The following PTPRD variants were observed in gnomAD, a reference collection of about 807,000 sequenced individuals.
The protein encoded by PTPRD is protein tyrosine phosphatase receptor type D.
Under a neutral mutation model 214.5 loss-of-function variants are expected in PTPRD, and 34 were observed. The observed-to-expected ratio is 0.16, with a 90% CI of 0.12 to 0.21. The LOEUF is 0.21. Ranked by LOEUF, PTPRD falls within the 10% of genes least tolerant of loss-of-function variation. The pLI is 1.00. For synonymous variants in PTPRD, 1,128 were observed against 845.7 expected (o/e 1.33, Z -5.79); for missense variants, 2,545 against 2,398.7 (o/e 1.06, Z -1.27).
In PTPRD at chr9:8,825,813, G is replaced by A. The variant is rs1208111473; in HGVS notation, c.-103-91867C>T. Among the ~76,000 whole-genome samples the A allele has an allele frequency of 2.9e-4, 4 of 13,846 alleles. No homozygotes were observed. The African/African-American group carries it at 3.4e-3, about 12-fold the overall frequency. 9.1% of individuals were successfully genotyped at this position (13,846 alleles called of 152,430 possible). The stretch of plus-strand genomic sequence containing the variant: ...TTCTAGACCATATAGAGTAACTTCC[G>A]ACATTCCCATGGCATTTGCAAACTG... On this transcript the variant is annotated intron_variant, in intron 11 of 45. Transcript: ENST00000381196.
chr9:8,494,052 A>C (rs2136380212), intron 26 of PTPRD, among the ~76,000 whole-genome samples: 1 of 151,780 alleles, frequency 6.6e-6, no homozygotes, highest in Admixed American at 6.6e-5. Context: ...CAATATAAAA[A>C]CCCTTTCAGA....
intron 4 of PTPRD, among the ~76,000 whole-genome samples, chr9:9,976,908 C>T (rs905603372): frequency 6.6e-6 from 1 of 151,662 alleles, no homozygotes; most frequent in Non-Finnish European, 1.5e-5. Context: ...TTTGATTTGG[C>T]GATTGGTTTG....
Position 9,275,012 on chromosome 9 carries a change from A to C in PTPRD, c.-202-91649T>G, listed in dbSNP as rs560922838. ...ATTTGTTTAACTCAAACTTTCTTCA[A>C]ACTGATTGGACCATCAAAATCCCTT... On this transcript the variant is annotated intron_variant, in intron 9 of 45. Coordinates refer to ENST00000381196, the MANE Select transcript of PTPRD (RefSeq NM_002839.4). 9.6e-4 allele frequency among the ~76,000 whole-genome samples: 121 copies of C among 125,584 alleles called. 1 individual carries two copies. Among genetic ancestry groups the C allele is most frequent in the Middle Eastern group, 3.9e-3 (1 of 256 alleles). The allele number at this position is 125,584 out of a possible 152,430, so 82.4% of individuals were successfully genotyped here. A position where few individuals can be genotyped will look rare whatever the true frequency, so the allele number is the denominator to read the frequency against.
intron 5 of PTPRD, among the ~76,000 whole-genome samples, chr9:9,876,617 G>T (rs1322195098): frequency 6.6e-6 from 1 of 152,162 alleles, no homozygotes; most frequent in African/African-American, 2.4e-5. Flanking sequence ...ATGAGAATTA[G>T]TGCAGTGGCA....
intron 10 of PTPRD, among the ~76,000 whole-genome samples, chr9:9,115,432 C>T (rs1353030243): frequency 1.3e-5 from 2 of 152,082 alleles, no homozygotes; most frequent in African/African-American, 4.8e-5. Context: ...CAAGGAGAGA[C>T]CACCTTACCC....
chr9:9,546,555 G>A (rs2078853863), intron 8 of PTPRD, among the ~76,000 whole-genome samples: 1 of 151,396 alleles, frequency 6.6e-6, no homozygotes, highest in South Asian at 2.1e-4. Flanking sequence ...CTCTCTAGTA[G>A]TGACCATATT....
chr9:8,931,591 T>C (rs1339273261), intron 11 of PTPRD, among the ~76,000 whole-genome samples: 1 of 152,236 alleles, frequency 6.6e-6, no homozygotes, highest in African/African-American at 2.4e-5. Context: ...TTCCTATCCA[T>C]GAGCATGGAA....
At chr9:9,721,753 T>G (rs1457578587) in intron 7 of PTPRD, among the ~76,000 whole-genome samples, 2 of 152,134 alleles carry the variant, frequency 1.3e-5, no homozygotes, top group African/African-American at 4.8e-5. Flanking sequence ...CTCACTTGTT[T>G]GTCATTCAGG....
intron 5 of PTPRD, among the ~76,000 whole-genome samples, chr9:9,873,881 T>C (rs577298275): frequency 2.3e-4 from 35 of 152,174 alleles, no homozygotes; most frequent in Non-Finnish European, 4.4e-4. Context: ...TGGTAAATCA[T>C]TTTAATGGGT....
chr9:10,389,366 C>T (rs2154489808), intron 2 of PTPRD, among the ~76,000 whole-genome samples: 1 of 151,896 alleles, frequency 6.6e-6, no homozygotes, highest in East Asian at 2.0e-4. Flanking sequence ...TATCAGAGTG[C>T]TATTTTAATA....
intron 14 of PTPRD, among the ~76,000 whole-genome samples, chr9:8,606,113 T>C (rs1391093760): frequency 6.6e-6 from 1 of 152,032 alleles, no homozygotes; most frequent in Non-Finnish European, 1.5e-5. Flanking sequence ...ACAAAATCTC[T>C]CTGAAGGCAT....
chr9:9,528,819 G>A (rs2074766118), intron 8 of PTPRD, among the ~76,000 whole-genome samples: 2 of 147,380 alleles, frequency 1.4e-5, no homozygotes, highest in Admixed American at 1.3e-4. Flanking sequence ...TAGTACTGTG[G>A]GAAAAAAAAA....
At chr9:9,793,846 A>G (rs1768870) in intron 5 of PTPRD, among the ~76,000 whole-genome samples, 28,392 of 152,026 alleles carry the variant, frequency 0.19, 4,450 homozygotes, top group African/African-American at 0.43. Context: ...ACAATATTAA[A>G]ATTAAAAAGT....
chr9:9,195,830 C>A (rs1404769300), intron 9 of PTPRD, among the ~76,000 whole-genome samples: 1 of 151,660 alleles, frequency 6.6e-6, no homozygotes, highest in African/African-American at 2.4e-5. Flanking sequence ...TAAGAAAAGA[C>A]AATTACCTAA....
intron 4 of PTPRD, among the ~76,000 whole-genome samples, chr9:10,024,649 C>T (rs2096886259): frequency 1.3e-5 from 2 of 151,464 alleles, no homozygotes; most frequent in Admixed American, 1.3e-4. Flanking sequence ...TATTATTATA[C>T]TTTAAGTTTT....
At chr9:8,373,036 T>C (rs1055330022) in intron 39 of PTPRD, among the ~76,000 whole-genome samples, 1 of 152,034 alleles carries the variant, frequency 6.6e-6, no homozygotes, top group Non-Finnish European at 1.5e-5. Flanking sequence ...TTCCAGACTA[T>C]TTTTTGTGAT....
chr9:8,693,484 AT>A (rs1565331111), intron 12 of PTPRD, among the ~76,000 whole-genome samples: 5 of 152,172 alleles, frequency 3.3e-5, no homozygotes, highest in Non-Finnish European at 7.3e-5. Context: ...AGCATTCACT[AT>A]GTTTTTTCAT....
chr9:8,836,795 A>G (rs771684682), intron 11 of PTPRD, among the ~76,000 whole-genome samples: 1 of 151,424 alleles, frequency 6.6e-6, no homozygotes, highest in Non-Finnish European at 1.5e-5. Flanking sequence ...ATGGGGTTTC[A>G]CCATGTTGGC....
At chr9:9,166,459 C>A in intron 10 of PTPRD, among the ~76,000 whole-genome samples, 1 of 152,118 alleles carries the variant, frequency 6.6e-6, no homozygotes, top group East Asian at 1.9e-4. Context: ...CCCAGCTGAC[C>A]TGTGTGCAAA....
Sources: gnomAD v4.1 joint callset for allele counts (sites outside exome capture counted in the v4.1 genomes callset) on GRCh38, gnomAD v4.1.1 for gene constraint, MANE v1.5 for transcripts, NCBI Gene and HGNC (gene_info 2026-07-23, HGNC 2026-07-21) for gene names.